LY96: variants seen among roughly 807,000 people sequenced by gnomAD.
The protein encoded by LY96 is myeloid differentiation protein-2.
In LY96, 18 loss-of-function variants were observed where a neutral mutation model predicts 18.9. That is an observed-to-expected ratio of 0.95 (90% confidence interval 0.66 to 1.41). The LOEUF (loss-of-function observed/expected upper bound fraction) is 1.41. Ranked by LOEUF, LY96 falls within the 40% of genes most tolerant of loss-of-function variation. The pLI is 0.00. For missense variants in LY96, 175 were observed against 182.4 expected, an observed-to-expected ratio of 0.96 and a Z score of 0.23; for synonymous variants, 66 against 62.6, an observed-to-expected ratio of 1.06 and a Z score of -0.26.
chr8:74,043,501 A>G, the LY96 span, among the ~76,000 whole-genome samples: 1 of 152,188 alleles, frequency 6.6e-6, no homozygotes, highest in Non-Finnish European at 1.5e-5. Flanking sequence ...GGGCACTGCC[A>G]TTGCCAGTGG....
intron 1 of LY96, among the ~76,000 whole-genome samples, chr8:73,993,518 C>T (rs1478516454): frequency 1.3e-5 from 2 of 152,150 alleles, no homozygotes; most frequent in African/African-American, 2.4e-5. Flanking sequence ...TCTTGGCTCA[C>T]TGCAACGACC....
chr8:74,075,973 G>C, the LY96 span, among the ~76,000 whole-genome samples: 4 of 152,116 alleles, frequency 2.6e-5, no homozygotes, highest in Admixed American at 6.5e-5. Flanking sequence ...CGCAGTCCTG[G>C]CAAAACCTTG....
chr8:74,056,859 A>G, the LY96 span, among the ~76,000 whole-genome samples: 1 of 152,178 alleles, frequency 6.6e-6, no homozygotes, highest in Admixed American at 6.5e-5. Flanking sequence ...TAAGACCCTG[A>G]GCGTGGAACT....
At chr8:74,028,638 A>G (rs1357709801) in intron 4 of LY96, among the ~76,000 whole-genome samples, 5 of 152,316 alleles carry the variant, frequency 3.3e-5, no homozygotes, top group South Asian at 4.1e-4. Context: ...ATGAGATTTT[A>G]TGCATTTTAC....
At chr8:74,002,074 CCTT>C (rs1816301470) in intron 1 of LY96, among the ~76,000 whole-genome samples, 3 of 16,412 alleles carry the variant, frequency 1.8e-4, no homozygotes, top group African/African-American at 2.4e-4. Context: ...TTCCTTCCTT[CCTT>C]TCTTTCTTTC....
At chr8:74,045,881 C>A in the LY96 span, among the ~76,000 whole-genome samples, 6 of 152,142 alleles carry the variant, frequency 3.9e-5, no homozygotes, top group African/African-American at 7.2e-5. Context: ...CCACTGTAAC[C>A]AGAAGACAAG....
the LY96 span, among the ~76,000 whole-genome samples, chr8:74,035,092 T>A: frequency 2.6e-5 from 4 of 152,348 alleles, no homozygotes; most frequent in East Asian, 7.7e-4. Context: ...ATGTTTATAT[T>A]TTGTATAGCT....
intron 3 of LY96, among the ~76,000 whole-genome samples, chr8:74,019,486 G>A (rs1029605887): frequency 1.3e-5 from 2 of 152,112 alleles, no homozygotes; most frequent in African/African-American, 2.4e-5. Flanking sequence ...AATTCTACCA[G>A]AGGTACAAAA....
chr8:74,037,994 T>A, the LY96 span, among the ~76,000 whole-genome samples: 8 of 152,132 alleles, frequency 5.3e-5, no homozygotes, highest in Non-Finnish European at 1.5e-5. Flanking sequence ...TGTTTTGTTT[T>A]AAAAAAAATT....
intron 3 of LY96, among the ~76,000 whole-genome samples, chr8:74,022,766 A>C (rs866362896): frequency 6.6e-6 from 1 of 152,056 alleles, no homozygotes; most frequent in African/African-American, 2.4e-5. Flanking sequence ...TGTTTAATAG[A>C]GATGGAGTTT....
intron 1 of LY96, among the ~76,000 whole-genome samples, chr8:73,994,641 C>T (rs1816084313): frequency 6.6e-6 from 1 of 152,156 alleles, no homozygotes; most frequent in Non-Finnish European, 1.5e-5. Flanking sequence ...CGTGCACCAC[C>T]ATGTCTGGCT....
At chr8:74,097,536 C>T in the LY96 span, among the ~76,000 whole-genome samples, 2 of 152,004 alleles carry the variant, frequency 1.3e-5, no homozygotes, top group Non-Finnish European at 2.9e-5. Context: ...GGTGAAACCC[C>T]GTCTCTCCTA....
chr8:74,044,189 C>G, the LY96 span, among the ~76,000 whole-genome samples: 1 of 149,662 alleles, frequency 6.7e-6, no homozygotes, highest in Non-Finnish European at 1.5e-5. Flanking sequence ...AAAAAATTTT[C>G]TTTTTCTTTT....
intron 1 of LY96, among the ~76,000 whole-genome samples, chr8:74,002,261 T>C (rs1816312716): frequency 6.6e-6 from 1 of 150,726 alleles, no homozygotes; most frequent in Non-Finnish European, 1.5e-5. Flanking sequence ...CTCAGCCTCC[T>C]GAGTAGCTGG....
the LY96 span, among the ~76,000 whole-genome samples, chr8:74,073,167 C>A: frequency 1.3e-5 from 2 of 152,130 alleles, no homozygotes; most frequent in Admixed American, 1.3e-4. Context: ...GATAGTGTGG[C>A]CATTCTGTCT....
chr8:74,021,983 A>G (rs1816771633), intron 3 of LY96, among the ~76,000 whole-genome samples: 1 of 152,144 alleles, frequency 6.6e-6, no homozygotes, highest in Non-Finnish European at 1.5e-5. Flanking sequence ...TGACTAATTA[A>G]TTGGTGCAGC....
chr8:74,073,340 A>T, the LY96 span, among the ~76,000 whole-genome samples: 3 of 152,302 alleles, frequency 2.0e-5, no homozygotes, highest in South Asian at 6.2e-4. Context: ...GGAAAGAAAG[A>T]ATTTACAGCC....
the LY96 span, among the ~76,000 whole-genome samples, chr8:74,035,214 T>C: frequency 6.6e-6 from 1 of 152,176 alleles, no homozygotes; most frequent in Non-Finnish European, 1.5e-5. Context: ...TGGCTTTTTA[T>C]GTAAAAACTT....
the LY96 span, among the ~76,000 whole-genome samples, chr8:74,096,959 C>T: frequency 6.6e-6 from 1 of 152,180 alleles, no homozygotes; most frequent in Non-Finnish European, 1.5e-5. Context: ...CAGACCTTTC[C>T]TGCTGTTGCA....
Sources: allele counts gnomAD v4.1 joint callset (sites outside exome capture counted in the v4.1 genomes callset), GRCh38; gene constraint gnomAD v4.1.1; transcripts MANE v1.5; gene names NCBI Gene and HGNC (gene_info 2026-07-23, HGNC 2026-07-21).